Variants in MEIOB observed in about 807,000 individuals in gnomAD.
MEIOB encodes the protein meiosis-specific with OB domain-containing protein.
In MEIOB, 50 loss-of-function variants were observed where a neutral mutation model predicts 53.1. The observed-to-expected ratio is 0.94, with a 90% CI of 0.75 to 1.19. The LOEUF (loss-of-function observed/expected upper bound fraction) is 1.19. Among genes scored for constraint, MEIOB ranks in the 50% most tolerant of loss-of-function variants. The pLI is 0.00. For missense variants in MEIOB, 551 were observed against 550.8 expected, an observed-to-expected ratio of 1.00 and a Z score of 0.00; for synonymous variants, 192 against 182.5, an observed-to-expected ratio of 1.05 and a Z score of -0.42.
chr16:1,841,714 C>T, intron 11 of MEIOB, 106 bp downstream of exon 11: 1 of 748,754 alleles, frequency 1.3e-6, no homozygotes, highest in African/African-American at 1.8e-5. Flanking sequence ...AATACATAAC[C>T]CCTGTTACAT....
chr16:1,861,238 G>C (rs1277043132), intron 4 of MEIOB, among the ~76,000 whole-genome samples: 1 of 152,152 alleles, frequency 6.6e-6, no homozygotes, highest in Non-Finnish European at 1.5e-5. Flanking sequence ...AGATACTGGG[G>C]TGAGTAGATG....
chr16:1,846,150 A>G (rs1192113502), intron 9 of MEIOB, among the ~76,000 whole-genome samples: 1 of 152,170 alleles, frequency 6.6e-6, no homozygotes. Context: ...AATACTGATA[A>G]GGTCATGGGC....
At chr16:1,861,876 T>G (rs1899452820) in intron 4 of MEIOB, 109 bp downstream of exon 4, 26 of 1,164,742 alleles carry the variant, frequency 2.2e-5, no homozygotes, top group Non-Finnish European at 3.0e-5. Flanking sequence ...ATAAAGTTCT[T>G]GAGAATTACG....
chr16:1,853,168 A>G (rs1386288242), intron 8 of MEIOB, 34 bp from the exon 9 acceptor site: 7 of 1,571,034 alleles, frequency 4.5e-6, no homozygotes, highest in Non-Finnish European at 6.1e-6. Context: ...AAATTATTAC[A>G]TGGGAGGATA....
rs558013971 is a variant in MEIOB, at chr16:1,861,147, T to C, written c.260-672A>G. On this transcript the variant is annotated intron_variant, in intron 4 of 13. Transcript: ENST00000325962. ...CTCAAAGCCATGATGTAAGTCAATGTTGGAACTGGGATTTGAATCTAGACC... is the reference window on the plus strand; with the variant it reads ...CTCAAAGCCATGATGTAAGTCAATGCTGGAACTGGGATTTGAATCTAGACC... Among the ~76,000 whole-genome samples, 3 of 152,328 alleles carry C rather than the reference T, an allele frequency of 2.0e-5. No homozygotes were observed. The East Asian group carries it at 5.8e-4, about 29-fold the overall frequency.
At chr16:1,856,641 T>C (rs576351511) in intron 6 of MEIOB, among the ~76,000 whole-genome samples, 34 of 152,050 alleles carry the variant, frequency 2.2e-4, no homozygotes, top group African/African-American at 7.0e-4. Context: ...TTTGTATTTT[T>C]AGTGGCGATG....
chr16:1,865,359 G>C (rs7188124), intron 3 of MEIOB, among the ~76,000 whole-genome samples: 19,149 of 151,770 alleles, frequency 0.13, 1,230 homozygotes, highest in East Asian at 0.16. Context: ...TTGAACCCAG[G>C]AGGCAGAGGT....
intron 5 of MEIOB, among the ~76,000 whole-genome samples, chr16:1,858,172 G>A (rs1899356441): frequency 6.6e-6 from 1 of 152,156 alleles, no homozygotes; most frequent in South Asian, 2.1e-4. Context: ...GTCTGATCTT[G>A]CCCAAGACTC....
intron 2 of MEIOB, among the ~76,000 whole-genome samples, chr16:1,867,652 A>C (rs954739030): frequency 1.3e-5 from 2 of 151,792 alleles, no homozygotes; most frequent in African/African-American, 4.8e-5. Flanking sequence ...TTGTATTTTT[A>C]GTAGAGATGG....
chr16:1,851,616 T>C (rs1201831909), intron 9 of MEIOB, among the ~76,000 whole-genome samples: 2 of 152,174 alleles, frequency 1.3e-5, no homozygotes, highest in African/African-American at 4.8e-5. Context: ...CCCATGGTGC[T>C]GCCTTCAAGG....
At chr16:1,857,682 G>A (rs1899340137) in intron 6 of MEIOB, 53 bp downstream of exon 6, 4 of 1,410,094 alleles carry the variant, frequency 2.8e-6, no homozygotes, top group Non-Finnish European at 3.9e-6. Context: ...CAGATCAAGT[G>A]ACTGCACCTC....
intron 9 of MEIOB, among the ~76,000 whole-genome samples, chr16:1,845,194 T>A (rs1193660034): frequency 6.6e-6 from 1 of 152,214 alleles, no homozygotes. Flanking sequence ...TACTAACCTA[T>A]GTGGTTCAAT....
chr16:1,853,089 T>C lies in MEIOB; in HGVS notation c.728A>G (p.Asn243Ser). 1 of 1,613,184 alleles carries C rather than the reference T, an allele frequency of 6.2e-7. No homozygotes were observed. The highest frequency in any genetic ancestry group is 8.5e-7 in the Non-Finnish European group (1 of 1,179,374). ...TGAGATTACAGTTGCTGTCATGCAG[T>C]TCCGAAATTTGTCAAAATTTATTCT... is the stretch of plus-strand genomic sequence containing the variant. ...DVRINFDKFR[N>S]CMTATVISKT... is the part of the protein sequence containing the mutation. Residue 243 changes from asparagine to serine, a missense_variant, in exon 9 of 14, where the codon AAC (asparagine) becomes AGC (serine). Coordinates refer to ENST00000325962, the MANE Select transcript of MEIOB (RefSeq NM_001163560.3).
chr16:1,863,176 A>G (rs1361985094), intron 3 of MEIOB, among the ~76,000 whole-genome samples: 2 of 151,708 alleles, frequency 1.3e-5, no homozygotes, highest in Non-Finnish European at 2.9e-5. Flanking sequence ...CTTTGAATGC[A>G]CCACTGCACT....
chr16:1,849,959 T>A (rs936507516), intron 9 of MEIOB, among the ~76,000 whole-genome samples: 1 of 152,240 alleles, frequency 6.6e-6, no homozygotes, highest in East Asian at 1.9e-4. Context: ...GTGTATAAAA[T>A]GTATTCAATT....
intron 11 of MEIOB, chr16:1,841,126 C>T (rs1898898627): frequency 6.7e-6 from 1 of 149,254 alleles, no homozygotes; most frequent in African/African-American, 2.5e-5. Flanking sequence ...AAGCAATTCT[C>T]ATGCCTCAGC....
At chr16:1,838,536 A>G (rs1898809993) in intron 12 of MEIOB, among the ~76,000 whole-genome samples, 1 of 152,196 alleles carries the variant, frequency 6.6e-6, no homozygotes, top group Non-Finnish European at 1.5e-5. Flanking sequence ...CTGCAAATCA[A>G]GGAGAAAACG....
At chr16:1,851,725 T>C (rs1337583922) in intron 9 of MEIOB, among the ~76,000 whole-genome samples, 1 of 152,214 alleles carries the variant, frequency 6.6e-6, no homozygotes, top group Non-Finnish European at 1.5e-5. Flanking sequence ...TTCTATCTTT[T>C]AAAAATGCTG....
At chr16:1,841,067 A>G (rs1225306620) in intron 11 of MEIOB, 1 of 123,986 alleles carries the variant, frequency 8.1e-6, no homozygotes, top group Non-Finnish European at 1.6e-5. Flanking sequence ...CCCAGGCTGG[A>G]GTGCAATGGT....
Sources: allele counts gnomAD v4.1 joint callset (sites outside exome capture counted in the v4.1 genomes callset), GRCh38; gene constraint gnomAD v4.1.1; transcripts MANE v1.5; gene names NCBI Gene and HGNC (gene_info 2026-07-23, HGNC 2026-07-21).